Variants in PAX5 observed in about 807,000 individuals in gnomAD.
PAX5 encodes paired box 5.
Under a neutral mutation model 43.7 loss-of-function variants are expected in PAX5, and 9 were observed. The observed-to-expected ratio is 0.21, with a 90% CI of 0.12 to 0.36. The LOEUF is 0.36. Ranked by LOEUF, PAX5 falls within the 10% of genes least tolerant of loss-of-function variation. PAX5 has a pLI of 1.00. For missense variants in PAX5, 383 were observed against 532.7 expected (o/e 0.72, Z 2.77); for synonymous variants, 228 against 214.3 (o/e 1.06, Z -0.56).
intron 8 of PAX5, among the ~76,000 whole-genome samples, chr9:36,878,099 C>T (rs1043920882): frequency 6.6e-6 from 1 of 152,124 alleles, no homozygotes; most frequent in African/African-American, 2.4e-5. Context: ...GGGAGCATAG[C>T]CCTGGCGACA....
At chr9:37,033,944 G>T (rs778589112) in intron 1 of PAX5, 42 bp downstream of exon 1, 1 of 1,603,788 alleles carries the variant, frequency 6.2e-7, no homozygotes, top group Admixed American at 1.7e-5. Flanking sequence ...GCCTGGCCGT[G>T]TCCCGGAGTT....
At chr9:37,020,189 A>G (rs1839736872) in intron 2 of PAX5, among the ~76,000 whole-genome samples, 1 of 152,112 alleles carries the variant, frequency 6.6e-6, no homozygotes, top group South Asian at 2.1e-4. Context: ...AAAATACTGC[A>G]GCCCAACATA....
chr9:36,994,957 G>T (rs533580252), intron 5 of PAX5, among the ~76,000 whole-genome samples: 1 of 152,122 alleles, frequency 6.6e-6, no homozygotes, highest in South Asian at 2.1e-4. Context: ...GCAGAACCTT[G>T]GTCCTGACTC....
chr9:36,950,370 A>G (rs1295682678), intron 6 of PAX5, among the ~76,000 whole-genome samples: 1 of 152,358 alleles, frequency 6.6e-6, no homozygotes, highest in South Asian at 2.1e-4. Flanking sequence ...TTTCTCCAAA[A>G]TAGAAGAGAG....
At chr9:36,876,569 A>T (rs1398371374) in intron 8 of PAX5, among the ~76,000 whole-genome samples, 1 of 152,254 alleles carries the variant, frequency 6.6e-6, no homozygotes, top group African/African-American at 2.4e-5. Context: ...GATATTTGCA[A>T]CCATGTTAGG....
At chr9:37,026,758 G>A (rs1365314745) in intron 1 of PAX5, 62 of 980,922 alleles carry the variant, frequency 6.3e-5, no homozygotes, top group Non-Finnish European at 7.4e-5. Context: ...GAGCTGCGCG[G>A]AGAGGCGGGA....
In PAX5 at chr9:36,840,583, C is replaced by T. The variant is rs146173797; in HGVS notation, c.1153G>A (p.Ala385Thr). The T allele has an allele frequency of 1.0e-5, 16 of 1,586,642 alleles. No individual in the cohort carries two copies. The East Asian group carries it at 1.1e-4, about 11-fold the overall frequency. The change falls in exon 10 of 10, where the codon GCC becomes ACC. Residue 385 changes from alanine to threonine, a missense_variant. Coordinates refer to ENST00000358127, the MANE Select transcript of PAX5 (RefSeq NM_016734.3). The stretch of plus-strand genomic sequence containing the variant: ...GGTCAGTGACGGTCATAGGCAGTGG[C>T]GGCTGCAGGTGGGGCGGCTCCTCGG... The part of the protein sequence containing the change: ...AARGAAPPAA[A>T]TAYDRH
rs11999097 is a variant in PAX5 at position 37,022,410 on chromosome 9, C to T, written c.47-1609G>A. On this transcript the variant is annotated intron_variant, in intron 1 of 9. Coordinates refer to ENST00000358127, the MANE Select transcript of PAX5 (RefSeq NM_016734.3). ...GGCTTTGTTCTGGGGCTGGGAACACCTATTTAAAAAGGTTGTACAGATCTT... is the reference window on the plus strand; with the variant it reads ...GGCTTTGTTCTGGGGCTGGGAACACTTATTTAAAAAGGTTGTACAGATCTT... 9.7e-3 allele frequency among the ~76,000 whole-genome samples: 1,472 copies of T among 152,262 alleles called. 19 individuals carry two copies. The highest frequency in any genetic ancestry group is 0.027 in the African/African-American group (1,102 of 41,548).
chr9:36,860,464 G>C (rs916727462), intron 8 of PAX5, among the ~76,000 whole-genome samples: 1 of 152,134 alleles, frequency 6.6e-6, no homozygotes, highest in Non-Finnish European at 1.5e-5. Flanking sequence ...AACTTCCAAG[G>C]TGACGCCAAT....
At chr9:36,895,936 C>A (rs1827823222) in intron 7 of PAX5, among the ~76,000 whole-genome samples, 1 of 152,170 alleles carries the variant, frequency 6.6e-6, no homozygotes, top group Admixed American at 6.5e-5. Flanking sequence ...AAGTGCAAAG[C>A]CCATGGAGGT....
intron 4 of PAX5, 109 bp from the exon 5 acceptor site, chr9:37,002,885 G>A: frequency 7.4e-7 from 1 of 1,345,484 alleles, no homozygotes; most frequent in Non-Finnish European, 1.0e-6. Context: ...GCGCAGGGTG[G>A]GCAGGGGGCG....
intron 1 of PAX5, among the ~76,000 whole-genome samples, chr9:37,030,716 G>C (rs1381164168): frequency 1.3e-5 from 2 of 152,210 alleles, no homozygotes; most frequent in East Asian, 1.9e-4. Context: ...CAGAGACCTC[G>C]TTTCACTGGG....
chr9:36,982,132 G>A (rs1835991214), intron 5 of PAX5, among the ~76,000 whole-genome samples: 1 of 152,156 alleles, frequency 6.6e-6, no homozygotes, highest in African/African-American at 2.4e-5. Flanking sequence ...AGGTGTGGTG[G>A]CACACACCTG....
intron 7 of PAX5, 83 bp downstream of exon 7, chr9:36,923,272 C>T: frequency 1.3e-6 from 2 of 1,521,194 alleles, no homozygotes; most frequent in Non-Finnish European, 1.8e-6. Flanking sequence ...CATCCAAACA[C>T]ACCAAGAAGC....
chr9:37,010,335 G>T (rs911908908), intron 3 of PAX5, among the ~76,000 whole-genome samples: 2 of 152,142 alleles, frequency 1.3e-5, no homozygotes, highest in African/African-American at 4.8e-5. Flanking sequence ...TATGAATAAG[G>T]AAACTAAAAC....
intron 5 of PAX5, among the ~76,000 whole-genome samples, chr9:36,998,615 C>T (rs930990538): frequency 5.3e-5 from 8 of 152,138 alleles, no homozygotes; most frequent in African/African-American, 1.9e-4. Context: ...GAAATGTGGC[C>T]AGTACAATCG....
At chr9:36,933,059 G>A (rs1195608091) in intron 6 of PAX5, among the ~76,000 whole-genome samples, 1 of 150,590 alleles carries the variant, frequency 6.6e-6, no homozygotes, top group African/African-American at 2.4e-5. Flanking sequence ...TGGGAGAATT[G>A]CTTGAACCCC....
rs1403445975 is a variant in PAX5 at position 36,959,122 on chromosome 9, C to T, written c.780+7427G>A. Reference sequence around the variant, plus strand: ...AGGATTCCTCAGGGGAACTGCCCTTCAGTGCCCCTTCCGGTGCTTCAGTGT... The same window carrying T: ...AGGATTCCTCAGGGGAACTGCCCTTTAGTGCCCCTTCCGGTGCTTCAGTGT... On this transcript the variant is annotated intron_variant, in intron 6 of 9. Transcript: ENST00000358127. Among the ~76,000 whole-genome samples, 3 of 152,234 alleles carry T rather than the reference C, an allele frequency of 2.0e-5. No homozygotes were observed. The East Asian group carries it at 5.8e-4, about 29-fold the overall frequency.
intron 5 of PAX5, among the ~76,000 whole-genome samples, chr9:36,968,633 G>A (rs1019634036): frequency 3.3e-5 from 5 of 152,194 alleles, no homozygotes; most frequent in African/African-American, 1.2e-4. Flanking sequence ...CAAGGCAGAA[G>A]TTGGTCTCTC....
Sources: allele counts gnomAD v4.1 joint callset (sites outside exome capture counted in the v4.1 genomes callset), GRCh38; gene constraint gnomAD v4.1.1; transcripts MANE v1.5; gene names NCBI Gene and HGNC (gene_info 2026-07-23, HGNC 2026-07-21).